LUC7L2: variants seen among roughly 807,000 people sequenced by gnomAD.
The protein encoded by LUC7L2 is putative RNA-binding protein Luc7-like 2.
In LUC7L2, 25 loss-of-function variants were observed where a neutral mutation model predicts 52.8. The observed-to-expected ratio is 0.47, with a 90% CI of 0.34 to 0.66. LUC7L2 has a LOEUF of 0.66. LUC7L2 is among the 30% of genes least tolerant of loss of function. LUC7L2 has a pLI of 0.01. For missense variants in LUC7L2, 328 were observed against 497.8 expected (o/e 0.66, Z 3.25); for synonymous variants, 144 against 160.9 (o/e 0.89, Z 0.80).
chr7:139,422,582 C>T lies in LUC7L2; in HGVS notation c.*242C>T, dbSNP rs958026843. 5 of 775,088 alleles carry T rather than the reference C, an allele frequency of 6.5e-6. No homozygotes were observed. The highest frequency in any genetic ancestry group is 1.8e-5 in the African/African-American group (1 of 54,792). The allele number at this position is 775,088 out of a possible 1,614,324, so 48.0% of individuals were successfully genotyped here. ...AAGTACAGTTTTATATAATAAGATG[C>T]TGATCTCTTTATTCTTTCAAGTAAG... On this transcript the variant is annotated 3_prime_UTR_variant, in exon 10 of 10. Coordinates refer to ENST00000354926, the MANE Select transcript of LUC7L2 (RefSeq NM_016019.5).
intron 1 of LUC7L2, among the ~76,000 whole-genome samples, chr7:139,373,693 G>C (rs115401599): frequency 0.016 from 1,971 of 123,360 alleles, 46 homozygotes; most frequent in African/African-American, 0.096. Flanking sequence ...TGTGTCTTCA[G>C]GGCACAATAA....
Position 139,390,918 on chromosome 7 carries a change from C to T in LUC7L2, c.157-7681C>T, listed in dbSNP as rs117227105. Among the ~76,000 whole-genome samples, 43 of 152,296 alleles carry T rather than the reference C, an allele frequency of 2.8e-4. No individual in the cohort carries two copies. The East Asian group carries it at 7.9e-3, about 28-fold the overall frequency. On this transcript the variant is annotated intron_variant, in intron 2 of 9. Coordinates refer to ENST00000354926, the MANE Select transcript of LUC7L2 (RefSeq NM_016019.5). ...TAAAACATGAATATTTCCAATTATA[C>T]ATCACCCTCCTTCTCAGATCTAAAC...
At chr7:139,378,960 T>G (rs1800850811) in intron 2 of LUC7L2, among the ~76,000 whole-genome samples, 1 of 152,186 alleles carries the variant, frequency 6.6e-6, no homozygotes. Flanking sequence ...GCCTTAACTG[T>G]TGATTTTATG....
At chr7:139,358,308 G>C (rs186225480), upstream of LUC7L2, among the ~76,000 whole-genome samples, 1 of 152,104 alleles carries the variant, frequency 6.6e-6, no homozygotes, top group Non-Finnish European at 1.5e-5. Context: ...CCTCCCAGCC[G>C]CAATATACAT....
intron 9 of LUC7L2, among the ~76,000 whole-genome samples, chr7:139,420,580 T>TAA (rs1373776378): frequency 1.3e-5 from 2 of 152,318 alleles, no homozygotes; most frequent in East Asian, 1.9e-4. Context: ...CCTGCTTTGT[T>TAA]AAGATTATTG....
At chr7:139,385,777 A>G (rs6467843) in intron 2 of LUC7L2, among the ~76,000 whole-genome samples, 58,556 of 152,116 alleles carry the variant, frequency 0.38, 15,754 homozygotes, top group African/African-American at 0.77. Context: ...ATGAGTCTCA[A>G]TAAATGCTTT....
chr7:139,377,273 C>T (rs993941868), intron 2 of LUC7L2, among the ~76,000 whole-genome samples: 4 of 152,166 alleles, frequency 2.6e-5, no homozygotes, highest in African/African-American at 9.7e-5. Flanking sequence ...GGCGCAATCT[C>T]AGCTCACTGC....
At chr7:139,343,393 G>A (rs1223181177) in intron 1 of LUC7L2, among the ~76,000 whole-genome samples, 1 of 152,216 alleles carries the variant, frequency 6.6e-6, no homozygotes, top group African/African-American at 2.4e-5. Context: ...GGGCAACATA[G>A]TGTAGTGAGA....
At chr7:139,390,798 C>T (rs1000619042) in intron 2 of LUC7L2, among the ~76,000 whole-genome samples, 12 of 152,234 alleles carry the variant, frequency 7.9e-5, no homozygotes, top group African/African-American at 1.4e-4. Flanking sequence ...CCTCGTGATT[C>T]GCCCGTCTCG....
chr7:139,380,265 T>C (rs886212049), intron 2 of LUC7L2, among the ~76,000 whole-genome samples: 7 of 152,078 alleles, frequency 4.6e-5, no homozygotes, highest in African/African-American at 1.7e-4. Context: ...ATAAGAAATA[T>C]GAATATTTTC....
chr7:139,366,924 C>G (rs1800187481), intron 1 of LUC7L2, among the ~76,000 whole-genome samples: 2 of 152,302 alleles, frequency 1.3e-5, no homozygotes, highest in South Asian at 4.1e-4. Context: ...AAACCCTCTT[C>G]TAGATCAGTG....
In LUC7L2 at chr7:139,359,936, T is replaced by C; in HGVS notation, c.-326T>C. 2.4e-6 allele frequency: 1 copy of C among 416,850 alleles called. No homozygotes were observed. The highest frequency in any genetic ancestry group is 4.2e-6 in the Non-Finnish European group (1 of 235,530). The allele number at this position is 416,850 out of a possible 1,614,324, so 25.8% of individuals were successfully genotyped here. ...GGTGGCGGCGAGCGGCGTCAGAGCT[T>C]GAGGGGGGGTTGACGGCTTCTGGCG... On this transcript the variant is annotated 5_prime_UTR_variant, in exon 1 of 10. Coordinates refer to ENST00000354926, the MANE Select transcript of LUC7L2 (RefSeq NM_016019.5).
intron 2 of LUC7L2, among the ~76,000 whole-genome samples, chr7:139,394,465 A>G (rs1376362939): frequency 9.8e-5 from 15 of 152,322 alleles, no homozygotes; most frequent in Non-Finnish European, 2.9e-5. Context: ...TAGTCTACAT[A>G]GTTGCTTTTC....
At chr7:139,388,089 A>T (rs779325457) in intron 2 of LUC7L2, among the ~76,000 whole-genome samples, 1 of 152,190 alleles carries the variant, frequency 6.6e-6, no homozygotes, top group Non-Finnish European at 1.5e-5. Flanking sequence ...TTACCCTGTA[A>T]CAATTTAGCC....
chr7:139,347,605 T>C (rs1437814239), intron 1 of LUC7L2, among the ~76,000 whole-genome samples: 2 of 151,502 alleles, frequency 1.3e-5, no homozygotes, highest in African/African-American at 2.4e-5. Flanking sequence ...AAAAAGGCCA[T>C]TCAAAACACC....
At chr7:139,405,498 T>C in intron 4 of LUC7L2, 146 bp from the exon 5 acceptor site, 1 of 1,007,856 alleles carries the variant, frequency 9.9e-7, no homozygotes, top group Non-Finnish European at 1.4e-6. Context: ...GATGTCTCAG[T>C]AGTTCATTTG....
intron 1 of LUC7L2, among the ~76,000 whole-genome samples, chr7:139,364,850 CTTAA>C (rs1020521015): frequency 6.6e-6 from 1 of 152,182 alleles, no homozygotes; most frequent in African/African-American, 2.4e-5. Flanking sequence ...AACATTTTCT[CTTAA>C]TTTTTTCTCA....
At chr7:139,411,720 G>A (rs571551727) in intron 7 of LUC7L2, among the ~76,000 whole-genome samples, 156 of 152,274 alleles carry the variant, frequency 1.0e-3, no homozygotes, top group African/African-American at 3.6e-3. Flanking sequence ...TGTGACAAGT[G>A]CCTTAAGTAG....
intron 2 of LUC7L2, among the ~76,000 whole-genome samples, chr7:139,385,245 A>G (rs10236055): frequency 0.39 from 58,278 of 149,750 alleles, 15,694 homozygotes; most frequent in African/African-American, 0.77. Context: ...ATAATCACAT[A>G]TATTCCCCCT....
Sources: gnomAD v4.1 joint callset for allele counts (sites outside exome capture counted in the v4.1 genomes callset) on GRCh38, gnomAD v4.1.1 for gene constraint, MANE v1.5 for transcripts, NCBI Gene and HGNC (gene_info 2026-07-23, HGNC 2026-07-21) for gene names.